Variants in ADAMTSL3 observed in about 807,000 individuals in gnomAD.
The protein encoded by ADAMTSL3 is ADAMTS like 3.
A neutral mutation model predicts 201.7 loss-of-function variants in ADAMTSL3; 128 were observed. The ratio of observed to expected loss-of-function variants is 0.63; its 90% confidence interval spans 0.55 to 0.73. The LOEUF (loss-of-function observed/expected upper bound fraction) is 0.73. Ranked by LOEUF, ADAMTSL3 falls within the 30% of genes least tolerant of loss-of-function variation. The pLI is 0.00. For synonymous variants in ADAMTSL3, 738 were observed against 748.4 expected (o/e 0.99, Z 0.23); for missense variants, 1,990 against 2,119.6 (o/e 0.94, Z 1.20).
chr15:83,820,374 G>T (rs1358498627), intron 6 of ADAMTSL3, among the ~76,000 whole-genome samples: 2 of 152,120 alleles, frequency 1.3e-5, no homozygotes, highest in African/African-American at 2.4e-5. Flanking sequence ...CACCGCGCCG[G>T]GCCATCGATT....
rs114544384 is a variant in ADAMTSL3 at position 84,001,633 on chromosome 15, C to T, written c.3973+10419C>T. On this transcript the variant is annotated intron_variant, in intron 23 of 29. Transcript: ENST00000286744. ...CTGACCAGAGAGAAGACTGTCAAAG[C>T]GAGGTGTGAGGCAGAACCTAGGAAG... is the stretch of plus-strand genomic sequence containing the variant. 6.6e-3 allele frequency among the ~76,000 whole-genome samples: 1,003 copies of T among 152,268 alleles called. 9 individuals carry two copies. The highest frequency in any genetic ancestry group is 0.022 in the African/African-American group (923 of 41,550).
At position 83,654,853 on chromosome 15, in the gene ADAMTSL3, C is replaced by T. The variant is rs891886758; in HGVS notation, c.-34+577C>T. 2.2e-4 allele frequency among the ~76,000 whole-genome samples: 33 copies of T among 152,260 alleles called. No individual in the cohort carries two copies. The highest frequency in any genetic ancestry group is 4.6e-4 in the Admixed American group (7 of 15,302). On this transcript the variant is annotated intron_variant, in intron 1 of 29. Transcript: ENST00000286744. This position sits in a 1 kb window ranked among gnomAD's most constrained non-coding sequence, Gnocchi z 5.3. ...CCGCCTCCCTTCAGCCAGGAGTCGC[C>T]GCCTCAGGTCGGAAACAGCAGCACA... is the stretch of plus-strand genomic sequence containing the variant.
At chr15:83,962,881 G>T (rs1026737150) in intron 19 of ADAMTSL3, among the ~76,000 whole-genome samples, 4 of 152,198 alleles carry the variant, frequency 2.6e-5, no homozygotes, top group Non-Finnish European at 5.9e-5. Context: ...CTGAAGCATG[G>T]TGGGGTGTCT....
intron 3 of ADAMTSL3, among the ~76,000 whole-genome samples, chr15:83,743,510 A>T (rs553293462): frequency 2.5e-5 from 3 of 119,510 alleles, no homozygotes; most frequent in Admixed American, 2.2e-4. Context: ...ACAGAGCGAG[A>T]CTCCGTCTCA....
intron 2 of ADAMTSL3, among the ~76,000 whole-genome samples, chr15:83,700,719 A>G (rs1466926851): frequency 6.6e-6 from 1 of 152,166 alleles, no homozygotes; most frequent in Non-Finnish European, 1.5e-5. Flanking sequence ...AGCTGAAATC[A>G]CGTCACTCAA....
At chr15:83,767,986 A>G (rs2062920012) in intron 3 of ADAMTSL3, among the ~76,000 whole-genome samples, 1 of 152,200 alleles carries the variant, frequency 6.6e-6, no homozygotes, top group Admixed American at 6.5e-5. Flanking sequence ...AGTGGCTCGT[A>G]GATAGGGTGA....
At chr15:83,975,035 G>A (rs1440968115) in intron 20 of ADAMTSL3, among the ~76,000 whole-genome samples, 3 of 124,390 alleles carry the variant, frequency 2.4e-5, no homozygotes, top group South Asian at 2.5e-4. Context: ...ACGGAGTCTC[G>A]CTCTCGCCTA....
intron 9 of ADAMTSL3, 57 bp from the exon 10 acceptor site, chr15:83,885,044 T>C (rs1007126195): frequency 3.6e-5 from 40 of 1,125,082 alleles, no homozygotes; most frequent in Non-Finnish European, 4.8e-5. Flanking sequence ...TTTTGAAAGG[T>C]GTGGAAAGCA....
intron 20 of ADAMTSL3, among the ~76,000 whole-genome samples, chr15:83,980,135 C>G (rs1206666053): frequency 1.3e-5 from 2 of 152,016 alleles, no homozygotes; most frequent in African/African-American, 4.8e-5. Flanking sequence ...CCTGCACATA[C>G]CAGTATGGAC....
intron 2 of ADAMTSL3, among the ~76,000 whole-genome samples, chr15:83,680,988 A>G (rs2061469198): frequency 6.6e-6 from 1 of 152,166 alleles, no homozygotes; most frequent in Non-Finnish European, 1.5e-5. Context: ...TATTATTTTA[A>G]TGCTACAGAT....
intron 2 of ADAMTSL3, among the ~76,000 whole-genome samples, chr15:83,678,815 A>ATTT (rs1567066911): frequency 3.2e-5 from 2 of 63,378 alleles, no homozygotes; most frequent in Non-Finnish European, 6.7e-5. Flanking sequence ...TTTATATAAT[A>ATTT]TAAAATATAA....
intron 28 of ADAMTSL3, among the ~76,000 whole-genome samples, chr15:84,033,034 G>A (rs1370697759): frequency 6.6e-6 from 1 of 152,028 alleles, no homozygotes; most frequent in Non-Finnish European, 1.5e-5. Flanking sequence ...ATTGTAATGT[G>A]TACTTTCCTG....
intron 19 of ADAMTSL3, among the ~76,000 whole-genome samples, chr15:83,965,552 C>A (rs1360657451): frequency 1.3e-5 from 2 of 152,122 alleles, no homozygotes; most frequent in Non-Finnish European, 2.9e-5. Flanking sequence ...TAGAGACCTA[C>A]AAAGAGACTT....
At chr15:83,854,440 A>C (rs1195650729) in intron 7 of ADAMTSL3, among the ~76,000 whole-genome samples, 1 of 152,230 alleles carries the variant, frequency 6.6e-6, no homozygotes, top group Admixed American at 6.5e-5. Context: ...GCAGCAGCAC[A>C]TCAAAAGTGA....
At chr15:83,924,479 A>G (rs2066212053) in intron 17 of ADAMTSL3, among the ~76,000 whole-genome samples, 1 of 152,162 alleles carries the variant, frequency 6.6e-6, no homozygotes, top group South Asian at 2.1e-4. Context: ...TAGCACTCAT[A>G]CTGATGTGTT....
intron 4 of ADAMTSL3, among the ~76,000 whole-genome samples, chr15:83,774,176 T>C (rs934009943): frequency 2.0e-5 from 3 of 152,218 alleles, no homozygotes; most frequent in African/African-American, 2.4e-5. Context: ...TTCAAGGTAA[T>C]GCTTTATGGG....
chr15:84,023,077 T>C (rs2068234809), intron 26 of ADAMTSL3, among the ~76,000 whole-genome samples: 1 of 152,234 alleles, frequency 6.6e-6, no homozygotes, highest in Non-Finnish European at 1.5e-5. Flanking sequence ...GCTCTCCCAC[T>C]AGACCGTAAA....
chr15:83,739,229 A>C (rs1353352356), intron 3 of ADAMTSL3, among the ~76,000 whole-genome samples: 2 of 151,948 alleles, frequency 1.3e-5, no homozygotes, highest in Non-Finnish European at 2.9e-5. Context: ...TAAAACATGG[A>C]TCATGCAAGT....
At chr15:83,709,041 A>G (rs1336769861) in intron 3 of ADAMTSL3, among the ~76,000 whole-genome samples, 1 of 152,220 alleles carries the variant, frequency 6.6e-6, no homozygotes, top group African/African-American at 2.4e-5. Context: ...CTCCTATCCT[A>G]AAAATCCTGA....
Sources: allele counts gnomAD v4.1 joint callset (sites outside exome capture counted in the v4.1 genomes callset), GRCh38; gene constraint gnomAD v4.1.1; non-coding constraint Gnocchi (gnomAD v3.1); transcripts MANE v1.5; gene names NCBI Gene and HGNC (gene_info 2026-07-23, HGNC 2026-07-21).